RANBP2: variants seen among roughly 807,000 people sequenced by gnomAD.
The protein encoded by RANBP2 is E3 SUMO-protein ligase RanBP2.
RANBP2 carries 57 observed loss-of-function variants against 303.6 expected under a neutral mutation model. That is an observed-to-expected ratio of 0.19 (90% CI 0.15 to 0.23). The LOEUF (loss-of-function observed/expected upper bound fraction) is 0.23. Ranked by LOEUF, RANBP2 falls within the 10% of genes least tolerant of loss-of-function variation. The pLI, the probability that RANBP2 is intolerant of heterozygous loss-of-function variation, is 1.00. For missense variants in RANBP2, 3,138 were observed against 3,780.8 expected (o/e 0.83, Z 4.46); for synonymous variants, 1,167 against 1,301.5 (o/e 0.90, Z 2.23).
chr2:108,797,693 G>A, the RANBP2 span, among the ~76,000 whole-genome samples: 6 of 152,144 alleles, frequency 3.9e-5, no homozygotes, highest in Admixed American at 3.3e-4. Flanking sequence ...ATGTATATAT[G>A]TATTTTATGA....
chr2:109,012,647 G>C, the RANBP2 span, among the ~76,000 whole-genome samples: 1 of 152,190 alleles, frequency 6.6e-6, no homozygotes, highest in Non-Finnish European at 1.5e-5. Flanking sequence ...AGGCGCGGTG[G>C]CTCACGCCTG....
chr2:108,849,641 G>A, the RANBP2 span, among the ~76,000 whole-genome samples: 1 of 151,974 alleles, frequency 6.6e-6, no homozygotes, highest in African/African-American at 2.4e-5. Flanking sequence ...AAAGCTGCAG[G>A]CTCCTCAGCC....
chr2:109,763,665 A>T, the RANBP2 span, among the ~76,000 whole-genome samples: 5 of 150,478 alleles, frequency 3.3e-5, no homozygotes. Context: ...TTATTGTATT[A>T]GAGCAATATA....
At position 108,763,627 on chromosome 2, in the gene RANBP2, C is replaced by T; in HGVS notation, c.3088C>T (p.Pro1030Ser). ...ACAAGCACACACAACACAGCCAACT[C>T]CTTTTAAATTTAACTCAAATTTCAA... The part of the protein sequence containing the change: ...PTQAHTTQPT[P>S]FKFNSNFKSN... The change falls in exon 20 of 29, where the codon CCT (proline) becomes TCT (serine). Residue 1030 changes from proline (P) to serine (S), a missense_variant. By Grantham distance (74) the Pro-to-Ser change is moderately conservative (BLOSUM62 -1). This residue lies in a region of RANBP2 where 403 missense variants were observed against 376.7 expected (regional missense o/e 1.07). Transcript: ENST00000283195. The T allele has an allele frequency of 6.2e-7, 1 of 1,614,118 alleles. No individual in the cohort carries two copies. Among genetic ancestry groups the T allele is most frequent in the South Asian group, 1.1e-5 (1 of 91,076 alleles).
At chr2:109,340,218 A>G in the RANBP2 span, among the ~76,000 whole-genome samples, 15 of 152,246 alleles carry the variant, frequency 9.9e-5, no homozygotes, top group African/African-American at 3.4e-4. Flanking sequence ...TGGACAAGTT[A>G]CTGGACCTCA....
the RANBP2 span, among the ~76,000 whole-genome samples, chr2:108,924,705 C>T: frequency 6.6e-6 from 1 of 152,190 alleles, no homozygotes; most frequent in Non-Finnish European, 1.5e-5. Flanking sequence ...AGCCCTTTAT[C>T]CTCAGATCCC....
At chr2:109,309,904 A>T in the RANBP2 span, among the ~76,000 whole-genome samples, 1 of 119,934 alleles carries the variant, frequency 8.3e-6, no homozygotes, top group African/African-American at 4.3e-5. Context: ...AGACTTTAAC[A>T]CCCCACTGTC....
the RANBP2 span, among the ~76,000 whole-genome samples, chr2:109,476,240 C>T: frequency 6.6e-6 from 1 of 152,224 alleles, no homozygotes; most frequent in Non-Finnish European, 1.5e-5. Flanking sequence ...TGCTAGCACC[C>T]ACAGCACAAA....
chr2:109,334,359 A>G, the RANBP2 span, among the ~76,000 whole-genome samples: 10 of 30,582 alleles, frequency 3.3e-4, no homozygotes, highest in African/African-American at 9.6e-4. Context: ...TTTTTCCTTT[A>G]AAAAAAAAAA....
the RANBP2 span, chr2:109,615,263 C>T: frequency 3.2e-6 from 5 of 1,567,498 alleles, no homozygotes; most frequent in Non-Finnish European, 4.3e-6. Context: ...AGAGCAGCGG[C>T]GGAGGCTCCG....
At chr2:109,564,416 T>C in the RANBP2 span, 2 of 1,595,014 alleles carry the variant, frequency 1.3e-6, no homozygotes, top group Non-Finnish European at 1.7e-6. Flanking sequence ...TTTCCTCCAG[T>C]TTGCAGCGCC....
chr2:109,203,346 T>C, the RANBP2 span, among the ~76,000 whole-genome samples: 1 of 152,354 alleles, frequency 6.6e-6, no homozygotes. Flanking sequence ...CGGAGCTTGC[T>C]AGTCCTTATG....
chr2:109,705,297 C>T, the RANBP2 span, among the ~76,000 whole-genome samples: 5 of 151,230 alleles, frequency 3.3e-5, no homozygotes, highest in Non-Finnish European at 7.4e-5. Flanking sequence ...CCCAGCTACC[C>T]GGGAAGGCTG....
the RANBP2 span, among the ~76,000 whole-genome samples, chr2:108,961,598 TA>T: frequency 2.6e-5 from 4 of 152,214 alleles, no homozygotes; most frequent in African/African-American, 7.2e-5. Context: ...ACATTTACAT[TA>T]AAAAAGCACT....
chr2:108,813,605 C>G, the RANBP2 span, among the ~76,000 whole-genome samples: 23 of 151,910 alleles, frequency 1.5e-4, no homozygotes, highest in Non-Finnish European at 2.8e-4. Flanking sequence ...CTTTTTTTCC[C>G]TAAGAATTTT....
the RANBP2 span, among the ~76,000 whole-genome samples, chr2:109,568,204 A>G: frequency 6.6e-6 from 1 of 152,008 alleles, no homozygotes; most frequent in Non-Finnish European, 1.5e-5. Context: ...TTCACACTAC[A>G]ACAGCAGAGA....
chr2:108,896,052 A>C, the RANBP2 span: 1 of 152,260 alleles, frequency 6.6e-6, no homozygotes, highest in African/African-American at 2.4e-5. Flanking sequence ...AAATCTGCCT[A>C]AGACTGAAGT....
the RANBP2 span, among the ~76,000 whole-genome samples, chr2:109,557,808 T>C: frequency 8.5e-5 from 13 of 152,260 alleles, no homozygotes; most frequent in African/African-American, 2.4e-4. Context: ...CTTGCTATAC[T>C]ATTCCCTTTT....
At chr2:109,486,166 G>A in the RANBP2 span, among the ~76,000 whole-genome samples, 711 of 152,298 alleles carry the variant, frequency 4.7e-3, 1 homozygote, top group African/African-American at 0.015. Flanking sequence ...ACTCTTTGTC[G>A]TCTGGAAATC....
Sources: gnomAD v4.1 joint callset for allele counts (sites outside exome capture counted in the v4.1 genomes callset) on GRCh38, gnomAD v4.1.1 for gene constraint, gnomAD v4.1.1 regional missense constraint, MANE v1.5 for transcripts, NCBI Gene and HGNC (gene_info 2026-07-23, HGNC 2026-07-21) for gene names.